Variants in PALLD observed in about 807,000 individuals in gnomAD.
The protein encoded by PALLD is palladin, cytoskeletal associated protein, also known as palladin.
A neutral mutation model predicts 123.5 loss-of-function variants in PALLD; 61 were observed. The observed-to-expected ratio is 0.49, with a 90% CI of 0.40 to 0.61. PALLD has a LOEUF of 0.61. Among genes scored for constraint, PALLD ranks in the 20% least tolerant of loss-of-function variants. PALLD has a pLI of 0.00. For synonymous variants in PALLD, 465 were observed against 496.4 expected (o/e 0.94, Z 0.84); for missense variants, 1,273 against 1,377.0 (o/e 0.92, Z 1.20).
chr4:168,912,782 A>G (rs1759253811), intron 15 of PALLD, among the ~76,000 whole-genome samples: 1 of 152,204 alleles, frequency 6.6e-6, no homozygotes, highest in African/African-American at 2.4e-5. Flanking sequence ...AATTATTGTT[A>G]TCCTACAGTG....
At chr4:168,921,215 G>A (rs1761418300) in intron 17 of PALLD, among the ~76,000 whole-genome samples, 1 of 151,840 alleles carries the variant, frequency 6.6e-6, no homozygotes, top group Non-Finnish European at 1.5e-5. Flanking sequence ...AGACCAGCCC[G>A]GCCAACATAG....
intron 2 of PALLD, among the ~76,000 whole-genome samples, chr4:168,594,984 T>C (rs571399869): frequency 6.6e-6 from 1 of 152,292 alleles, no homozygotes; most frequent in East Asian, 1.9e-4. Context: ...CTATTTCATG[T>C]AAATGAATTA....
chr4:168,610,978 C>T (rs1412562766), intron 2 of PALLD, among the ~76,000 whole-genome samples: 1 of 152,176 alleles, frequency 6.6e-6, no homozygotes, highest in African/African-American at 2.4e-5. Flanking sequence ...ATTATCAAAT[C>T]TGTCTCCCAC....
chr4:168,783,564 C>A (rs971456476), intron 10 of PALLD, among the ~76,000 whole-genome samples: 5 of 152,166 alleles, frequency 3.3e-5, no homozygotes, highest in Non-Finnish European at 5.9e-5. Flanking sequence ...ACTAGGCTAG[C>A]CAGGGCAAGA....
intron 2 of PALLD, among the ~76,000 whole-genome samples, chr4:168,606,663 CAAAA>C (rs70961540): frequency 1.1e-5 from 1 of 92,100 alleles, no homozygotes; most frequent in Non-Finnish European, 2.2e-5. Flanking sequence ...GACTCCGTCT[CAAAA>C]AAAAAAAAAA....
chr4:168,541,549 C>T (rs1437367417), intron 2 of PALLD, among the ~76,000 whole-genome samples: 2 of 152,096 alleles, frequency 1.3e-5, no homozygotes, highest in Non-Finnish European at 2.9e-5. Context: ...GGCCCAGGTT[C>T]AAGCGATTCT....
chr4:168,713,283 T>G (rs4635780), intron 10 of PALLD, among the ~76,000 whole-genome samples: 83,566 of 152,038 alleles, frequency 0.55, 23,477 homozygotes, highest in East Asian at 0.66. Flanking sequence ...AAAAATGGTG[T>G]CCTTAAAAGA....
At position 168,761,366 on chromosome 4, in the gene PALLD, G is replaced by A. The variant is rs117378036; in HGVS notation, c.1964+49443G>A. ...TCTGGCTTATTAGCATGTAAAACTCGGAGATTCTTTCCCTCCAGTTAAAGT... is the reference window on the plus strand; with the variant it reads ...TCTGGCTTATTAGCATGTAAAACTCAGAGATTCTTTCCCTCCAGTTAAAGT... On this transcript the variant is annotated intron_variant, in intron 10 of 21. Coordinates refer to ENST00000505667, the MANE Select transcript of PALLD (RefSeq NM_001166108.2). Among the ~76,000 whole-genome samples the A allele has an allele frequency of 7.4e-4, 112 of 152,158 alleles. No individual in the cohort carries two copies. The East Asian group carries it at 0.02, about 27-fold the overall frequency.
At chr4:168,783,533 A>G (rs764883862) in intron 10 of PALLD, among the ~76,000 whole-genome samples, 3 of 152,266 alleles carry the variant, frequency 2.0e-5, no homozygotes, top group Non-Finnish European at 4.4e-5. Flanking sequence ...GAGAAAACGA[A>G]TAGTTAAAAG....
chr4:168,826,899 C>T (rs1743491845), intron 10 of PALLD, among the ~76,000 whole-genome samples: 1 of 152,186 alleles, frequency 6.6e-6, no homozygotes, highest in Non-Finnish European at 1.5e-5. Context: ...ATGCTCTTTT[C>T]AGGACATGCC....
intron 3 of PALLD, among the ~76,000 whole-genome samples, chr4:168,677,314 G>A (rs186940021): frequency 1.4e-4 from 21 of 152,036 alleles, no homozygotes; most frequent in Non-Finnish European, 2.2e-4. Context: ...ATCTGCCCCC[G>A]TCTCCAAGAG....
intron 10 of PALLD, among the ~76,000 whole-genome samples, chr4:168,861,690 A>G (rs1424958350): frequency 1.3e-5 from 2 of 151,432 alleles, no homozygotes; most frequent in Non-Finnish European, 2.9e-5. Context: ...TTTTTTAGAG[A>G]TGGGGTCTCG....
At chr4:168,519,782 C>G (rs1763348812) in intron 2 of PALLD, among the ~76,000 whole-genome samples, 1 of 152,158 alleles carries the variant, frequency 6.6e-6, no homozygotes, top group African/African-American at 2.4e-5. Flanking sequence ...AATTGCCTCT[C>G]CTCCCATCTA....
rs565824944 is a variant in PALLD at position 168,908,211 on chromosome 4, A to C, written c.2622+4305A>C. Among the ~76,000 whole-genome samples, 6 of 152,306 alleles carry C rather than the reference A, an allele frequency of 3.9e-5. No individual in the cohort carries two copies. The East Asian group carries it at 1.2e-3, about 29-fold the overall frequency. ...GGGGCTTCAGTAACTGGTATGTCCA[A>C]ATATGGCAGATATAAGTTCTGTGAG... is the stretch of plus-strand genomic sequence containing the variant. On this transcript the variant is annotated intron_variant, in intron 15 of 21. Coordinates refer to ENST00000505667, the MANE Select transcript of PALLD (RefSeq NM_001166108.2).
chr4:168,755,125 T>C (rs569535758), intron 10 of PALLD, among the ~76,000 whole-genome samples: 16 of 149,776 alleles, frequency 1.1e-4, no homozygotes, highest in Non-Finnish European at 1.8e-4. Flanking sequence ...CTCAGCTACT[T>C]GGGAGGCTGA....
At chr4:168,892,025 T>C (rs1480711170) in intron 11 of PALLD, among the ~76,000 whole-genome samples, 1 of 152,222 alleles carries the variant, frequency 6.6e-6, no homozygotes, top group Non-Finnish European at 1.5e-5. Context: ...TGCAGAACTG[T>C]AGAGTACCTA....
chr4:168,532,907 A>AT (rs1764739525), intron 2 of PALLD, among the ~76,000 whole-genome samples: 1 of 152,204 alleles, frequency 6.6e-6, no homozygotes, highest in Non-Finnish European at 1.5e-5. Flanking sequence ...TCAATCAAGC[A>AT]TTGGGCAGGA....
intron 2 of PALLD, among the ~76,000 whole-genome samples, chr4:168,602,550 C>A (rs530776645): frequency 6.6e-6 from 1 of 152,304 alleles, no homozygotes; most frequent in Admixed American, 6.5e-5. Flanking sequence ...GTGGGATTTG[C>A]CCGTGTTCAG....
intron 2 of PALLD, among the ~76,000 whole-genome samples, chr4:168,584,700 T>C (rs1770638921): frequency 6.6e-6 from 1 of 152,214 alleles, no homozygotes; most frequent in African/African-American, 2.4e-5. Context: ...GAGTAAACTT[T>C]AGTTTCACCC....
Sources: gnomAD v4.1 joint callset for allele counts (sites outside exome capture counted in the v4.1 genomes callset) on GRCh38, gnomAD v4.1.1 for gene constraint, MANE v1.5 for transcripts, NCBI Gene and HGNC (gene_info 2026-07-23, HGNC 2026-07-21) for gene names.